PICALM: variants seen among roughly 807,000 people sequenced by gnomAD.
PICALM encodes phosphatidylinositol-binding clathrin assembly protein.
In PICALM, 40 loss-of-function variants were observed where a neutral mutation model predicts 80.5. That is an observed-to-expected ratio of 0.50 (90% CI 0.39 to 0.65). The LOEUF (loss-of-function observed/expected upper bound fraction) is 0.65, where lower values mean the gene tolerates loss of function less well. PICALM is among the 30% of genes least tolerant of loss of function. The probability of loss-of-function intolerance (pLI) is 0.00; values close to 1 mark genes in which losing one functional copy is unlikely to be tolerated. For missense variants in PICALM, 676 were observed against 778.9 expected, an observed-to-expected ratio of 0.87 and a Z score of 1.57; for synonymous variants, 288 against 260.3, an observed-to-expected ratio of 1.11 and a Z score of -1.02.
intron 2 of PICALM, among the ~76,000 whole-genome samples, chr11:86,031,213 G>A (rs1390628580): frequency 6.6e-6 from 1 of 152,172 alleles, no homozygotes; most frequent in Non-Finnish European, 1.5e-5. Context: ...GCAAAAACCA[G>A]GGATGCTTAT....
chr11:86,006,148 C>T (rs2095271681), intron 8 of PICALM, among the ~76,000 whole-genome samples: 1 of 152,188 alleles, frequency 6.6e-6, no homozygotes, highest in Non-Finnish European at 1.5e-5. Context: ...GTTATTCAAG[C>T]AATGACTTGT....
At chr11:85,976,749 T>C in intron 17 of PICALM, 67 bp from the exon 18 acceptor site, 1 of 895,574 alleles carries the variant, frequency 1.1e-6, no homozygotes, top group Non-Finnish European at 1.9e-6. Flanking sequence ...GTTCAAGGAA[T>C]TAGTAGCTGT....
intron 2 of PICALM, among the ~76,000 whole-genome samples, chr11:86,030,380 C>T (rs11234519): frequency 6.6e-6 from 1 of 152,166 alleles, no homozygotes; most frequent in African/African-American, 2.4e-5. Context: ...AAATAACACA[C>T]AACGTGATGG....
At chr11:86,024,081 A>T (rs1257935147) in intron 3 of PICALM, among the ~76,000 whole-genome samples, 1 of 152,194 alleles carries the variant, frequency 6.6e-6, no homozygotes, top group East Asian at 1.9e-4. Flanking sequence ...GTGAGCTACG[A>T]TCATACCACT....
At chr11:86,049,599 C>A (rs904630828) in intron 1 of PICALM, among the ~76,000 whole-genome samples, 1 of 151,506 alleles carries the variant, frequency 6.6e-6, no homozygotes, top group Non-Finnish European at 1.5e-5. Context: ...GTCACCCAGG[C>A]TGGAGTGCAG....
At chr11:86,029,993 A>T (rs571880792) in intron 2 of PICALM, among the ~76,000 whole-genome samples, 1 of 152,296 alleles carries the variant, frequency 6.6e-6, no homozygotes, top group South Asian at 2.1e-4. Context: ...TAAAAATTAA[A>T]AACTACAAAT....
intron 1 of PICALM, among the ~76,000 whole-genome samples, chr11:86,065,754 T>C (rs1418115185): frequency 5.9e-5 from 9 of 152,208 alleles, no homozygotes; most frequent in South Asian, 2.1e-4. Context: ...TCAACACTAT[T>C]ATCCACTAAC....
chr11:86,033,278 GTATA>G (rs373149239), intron 1 of PICALM, among the ~76,000 whole-genome samples: 1 of 151,520 alleles, frequency 6.6e-6, no homozygotes, highest in Non-Finnish European at 1.5e-5. Context: ...TGGTGTGTGT[GTATA>G]TATATATACT....
At chr11:85,959,743 G>A (rs1056519318) in intron 19 of PICALM, among the ~76,000 whole-genome samples, 1 of 151,628 alleles carries the variant, frequency 6.6e-6, no homozygotes, top group Non-Finnish European at 1.5e-5. Context: ...CCACACCTGG[G>A]TAATTTTTGG....
At chr11:85,967,347 TTTTA>T (rs1229903062) in intron 19 of PICALM, among the ~76,000 whole-genome samples, 6 of 151,060 alleles carry the variant, frequency 4.0e-5, no homozygotes, top group African/African-American at 1.5e-4. Flanking sequence ...TACTTTCTGG[TTTTA>T]TTTATTAAGA....
chr11:86,068,297 T>G (rs1593605184), intron 1 of PICALM, among the ~76,000 whole-genome samples: 6 of 150,468 alleles, frequency 4.0e-5, no homozygotes, highest in African/African-American at 7.4e-5. Context: ...ACCGGACGGG[T>G]GGGAAGGAAG....
chr11:86,059,739 G>A (rs530462589), intron 1 of PICALM, among the ~76,000 whole-genome samples: 2 of 152,082 alleles, frequency 1.3e-5, no homozygotes, highest in Non-Finnish European at 2.9e-5. Flanking sequence ...TCCAGCTTGG[G>A]TGACAGAGCC....
chr11:85,984,635 G>A (rs1353968246), intron 13 of PICALM, among the ~76,000 whole-genome samples: 1 of 152,112 alleles, frequency 6.6e-6, no homozygotes, highest in East Asian at 1.9e-4. Context: ...CAGTGGGGAT[G>A]ACAAGCACAA....
intron 4 of PICALM, among the ~76,000 whole-genome samples, chr11:86,018,888 T>TA (rs1255654900): frequency 1.3e-3 from 75 of 55,612 alleles, no homozygotes; most frequent in African/African-American, 2.4e-3. Flanking sequence ...GACTCTGACT[T>TA]AAAAAAAAAA....
intron 19 of PICALM, among the ~76,000 whole-genome samples, chr11:85,972,666 C>T (rs2094146983): frequency 6.6e-6 from 1 of 152,034 alleles, no homozygotes; most frequent in East Asian, 1.9e-4. Flanking sequence ...GTCGAAGGTC[C>T]CTAATAAGTT....
upstream of PICALM, chr11:86,069,619 C>T (rs1229026463): frequency 6.6e-6 from 1 of 152,326 alleles, no homozygotes; most frequent in African/African-American, 2.4e-5. Context: ...CAAAGCCGCC[C>T]TCCTGGCTTA....
intron 17 of PICALM, among the ~76,000 whole-genome samples, 191 bp downstream of exon 17, chr11:85,980,938 T>C (rs1204462101): frequency 1.3e-5 from 2 of 152,346 alleles, no homozygotes; most frequent in East Asian, 3.9e-4. Flanking sequence ...AACCCTTAAA[T>C]ACTTGTTAGC....
At position 85,982,192 on chromosome 11, in the gene PICALM, C is replaced by T. The variant is rs1486361248; in HGVS notation, c.1517-189G>A. Reference sequence around the variant, plus strand: ...CTTCATACTGAATTGACTGAGAAGGCTGTATTTGCTTTGACAGAAATCATC... The same window carrying T: ...CTTCATACTGAATTGACTGAGAAGGTTGTATTTGCTTTGACAGAAATCATC... On this transcript the variant is annotated intron_variant, in intron 14 of 19. Transcript: ENST00000393346. 11 of 545,112 alleles carry T rather than the reference C, an allele frequency of 2.0e-5. No individual in the cohort carries two copies. In the South Asian group the frequency reaches 2.4e-4, roughly 12 times the overall value. 33.8% of individuals were successfully genotyped at this position (545,112 alleles called of 1,614,324 possible).
intron 1 of PICALM, among the ~76,000 whole-genome samples, chr11:86,066,302 G>A (rs1308850483): frequency 2.0e-5 from 3 of 152,212 alleles, no homozygotes; most frequent in Non-Finnish European, 4.4e-5. Context: ...ACAATGTAGG[G>A]AAAATAGTAT....
Sources: allele counts gnomAD v4.1 joint callset (sites outside exome capture counted in the v4.1 genomes callset), GRCh38; gene constraint gnomAD v4.1.1; transcripts MANE v1.5; gene names NCBI Gene and HGNC (gene_info 2026-07-23, HGNC 2026-07-21).